AKAP11: variants seen among roughly 807,000 people sequenced by gnomAD.
AKAP11 encodes A-kinase anchoring protein 11, also known as A-kinase anchor protein 11.
In AKAP11, 36 loss-of-function variants were observed where a neutral mutation model predicts 146.1. The ratio of observed to expected loss-of-function variants is 0.25; its 90% CI spans 0.19 to 0.33. AKAP11 has a LOEUF of 0.33. Ranked by LOEUF, AKAP11 falls within the 10% of genes least tolerant of loss-of-function variation. The probability of loss-of-function intolerance (pLI) is 1.00; values close to 1 mark genes in which losing one functional copy is unlikely to be tolerated. For missense variants in AKAP11, 2,201 were observed against 2,197.0 expected (o/e 1.00, Z -0.04); for synonymous variants, 780 against 786.5 (o/e 0.99, Z 0.14).
rs1959123420 is a variant in AKAP11 at position 42,284,276 on chromosome 13, A to C, written c.-99-1710A>C. 2.6e-5 allele frequency among the ~76,000 whole-genome samples: 4 copies of C among 152,370 alleles called. 1 individual carries two copies. The South Asian group carries it at 8.3e-4, about 32-fold the overall frequency. On this transcript the variant is annotated intron_variant, in intron 1 of 12. Transcript: ENST00000025301. The stretch of plus-strand genomic sequence containing the variant: ...TGCTTTGATGCATTCCCAAAAGCAG[A>C]AATGCTGAGTCAAAGAAGTATTTCC...
chr13:42,322,820 G>A lies in AKAP11; in HGVS notation c.*3592G>A, dbSNP rs1961141482. On this transcript the variant is annotated 3_prime_UTR_variant, in exon 13 of 13. Coordinates refer to ENST00000025301, the MANE Select transcript of AKAP11 (RefSeq NM_016248.4). ...GTGTACATTCCTTTCATAGGGTAGA[G>A]TTCTAGTTCTAGAAGTTCTTATTTT... The A allele has an allele frequency of 6.6e-6, 1 of 152,546 alleles. No individual in the cohort carries two copies. Among genetic ancestry groups the A allele is most frequent in the Non-Finnish European group, 1.5e-5 (1 of 67,960 alleles). 9.4% of individuals were successfully genotyped at this position (152,546 alleles called of 1,614,324 possible).
intron 5 of AKAP11, among the ~76,000 whole-genome samples, chr13:42,296,458 A>G (rs915680887): frequency 6.6e-6 from 1 of 152,160 alleles, no homozygotes; most frequent in Non-Finnish European, 1.5e-5. Context: ...TATAAAGGAA[A>G]GTACTCTACA....
rs1300974338 is a variant in AKAP11, at chr13:42,321,314, A to G, written c.*2086A>G. ...GTTTATTTCTGTTTATGGTGTAATC[A>G]TTCTGAGGTGAGGCTTTTCTTATTT... On this transcript the variant is annotated 3_prime_UTR_variant, in exon 13 of 13. Coordinates refer to ENST00000025301, the MANE Select transcript of AKAP11 (RefSeq NM_016248.4). 6.6e-6 allele frequency: 1 copy of G among 152,332 alleles called. No individual in the cohort carries two copies. The highest frequency in any genetic ancestry group is 1.5e-5 in the Non-Finnish European group (1 of 68,018). 9.4% of individuals were successfully genotyped at this position (152,332 alleles called of 1,614,324 possible). A position where few individuals can be genotyped will look rare whatever the true frequency, so the allele number is the denominator to read the frequency against.
Position 42,308,683 on chromosome 13 carries a change from T to C in AKAP11, c.5273+74T>C, listed in dbSNP as rs562827433. On this transcript the variant is annotated intron_variant, in intron 9 of 12. Transcript: ENST00000025301. ...AGAAGTGAGCTATAAATTTACATTATTATTTAAAAATTCTAAATTTGAAAA... is the reference window on the plus strand; with the variant it reads ...AGAAGTGAGCTATAAATTTACATTACTATTTAAAAATTCTAAATTTGAAAA... The C allele has an allele frequency of 7.6e-4, 902 of 1,192,412 alleles. 1 individual carries two copies. The Middle Eastern group carries it at 7.6e-3, about 10-fold the overall frequency. The allele number at this position is 1,192,412 out of a possible 1,614,324, so 73.9% of individuals were successfully genotyped here.
At chr13:42,308,937 T>C (rs975913611) in intron 9 of AKAP11, among the ~76,000 whole-genome samples, 1 of 152,198 alleles carries the variant, frequency 6.6e-6, no homozygotes, top group Non-Finnish European at 1.5e-5. Context: ...TACTTTTTTT[T>C]CTTTAAAGAA....
chr13:42,273,245 AAAAAATGGG>A (rs1958823828), intron 1 of AKAP11, among the ~76,000 whole-genome samples: 1 of 152,190 alleles, frequency 6.6e-6, no homozygotes, highest in Non-Finnish European at 1.5e-5. Context: ...GAGTACTAAG[AAAAAATGGG>A]GTATCAGTAA....
At chr13:42,291,398 A>G (rs1959211383) in intron 3 of AKAP11, among the ~76,000 whole-genome samples, 1 of 152,162 alleles carries the variant, frequency 6.6e-6, no homozygotes, top group Non-Finnish European at 1.5e-5. Context: ...GATTACAGGC[A>G]CGTGGCACCA....
At chr13:42,307,900 G>A (rs1331963140) in intron 8 of AKAP11, among the ~76,000 whole-genome samples, 1 of 152,184 alleles carries the variant, frequency 6.6e-6, no homozygotes, top group Non-Finnish European at 1.5e-5. Context: ...GTTGAGCAGT[G>A]AATGGACTTT....
chr13:42,276,484 C>T (rs924323434), intron 1 of AKAP11, among the ~76,000 whole-genome samples: 3 of 152,090 alleles, frequency 2.0e-5, no homozygotes, highest in Non-Finnish European at 2.9e-5. Flanking sequence ...GGGCTCAAGC[C>T]GTCCACCTGC....
chr13:42,298,578 T>A lies in AKAP11; in HGVS notation c.397T>A (p.Ser133Thr), dbSNP rs746529485. The change falls in exon 7 of 13, where the codon TCA becomes ACA. Residue 133 changes from serine to threonine, a missense_variant. Around this residue, in one of 3 missense-constraint regions of AKAP11, gnomAD observed 331 missense variants for 347.4 expected, o/e 0.95. Coordinates refer to ENST00000025301, the MANE Select transcript of AKAP11 (RefSeq NM_016248.4). ...TTGTGTCATGAGAGTGTCACCTACA[T>A]CACCAAGACTTAGGATTGATTTTAT... ...MLCVMRVSPT[S>T]PRLRIDFIFS... The A allele has an allele frequency of 6.2e-7, 1 of 1,612,676 alleles. No homozygotes were observed. Among genetic ancestry groups the A allele is most frequent in the Non-Finnish European group, 8.5e-7 (1 of 1,179,348 alleles).
At chr13:42,292,659 A>G (rs77450477) in intron 4 of AKAP11, among the ~76,000 whole-genome samples, 158 bp downstream of exon 4, 18,781 of 152,218 alleles carry the variant, frequency 0.12, 1,305 homozygotes, top group South Asian at 0.17. Context: ...GAGGGGAAAA[A>G]AAAGAAGTAC....
intron 12 of AKAP11, among the ~76,000 whole-genome samples, chr13:42,318,883 A>G (rs1490145119): frequency 6.6e-6 from 1 of 152,114 alleles, no homozygotes; most frequent in East Asian, 1.9e-4. Flanking sequence ...TCTGGAGGAG[A>G]TGTGTTTATA....
intron 3 of AKAP11, among the ~76,000 whole-genome samples, chr13:42,291,108 C>T (rs192640374): frequency 2.6e-5 from 4 of 151,648 alleles, no homozygotes; most frequent in Admixed American, 2.0e-4. Flanking sequence ...TAAAGATTTC[C>T]ATTTATTTTA....
At chr13:42,309,053 C>T (rs185580305) in intron 9 of AKAP11, among the ~76,000 whole-genome samples, 126 of 152,134 alleles carry the variant, frequency 8.3e-4, no homozygotes, top group Admixed American at 1.8e-3. Flanking sequence ...CCCTGCTTGT[C>T]CTGCTGTTAG....
intron 1 of AKAP11, among the ~76,000 whole-genome samples, chr13:42,276,912 A>G (rs1280889985): frequency 6.6e-6 from 1 of 152,228 alleles, no homozygotes; most frequent in Non-Finnish European, 1.5e-5. Flanking sequence ...ATAAAAAGAA[A>G]TGTGTTCCTG....
chr13:42,276,245 T>G (rs1958914565), intron 1 of AKAP11, among the ~76,000 whole-genome samples: 1 of 152,140 alleles, frequency 6.6e-6, no homozygotes, highest in African/African-American at 2.4e-5. Flanking sequence ...TATTATTATT[T>G]ATATAATTTA....
At chr13:42,309,247 G>A (rs1169404268) in intron 9 of AKAP11, among the ~76,000 whole-genome samples, 1 of 151,684 alleles carries the variant, frequency 6.6e-6, no homozygotes, top group Non-Finnish European at 1.5e-5. Flanking sequence ...GTTTCTTATA[G>A]TCTTAACCTC....
At chr13:42,316,509 AAG>A (rs1960827882) in intron 11 of AKAP11, among the ~76,000 whole-genome samples, 1 of 152,272 alleles carries the variant, frequency 6.6e-6, no homozygotes, top group African/African-American at 2.4e-5. Flanking sequence ...ATCATAAAAA[AAG>A]AAAATAAATT....
rs1287070701 is a variant in AKAP11, at chr13:42,295,685, C to G, written c.169-10C>G. On this transcript the variant is annotated splice_polypyrimidine_tract_variant and intron_variant, in intron 4 of 12. Transcript: ENST00000025301. ...TCAAATTAATGGAGGTTTATTTGTT[C>G]TTTACTCAGGTCACATTTCTGGGTT... The G allele has an allele frequency of 6.2e-7, 1 of 1,611,866 alleles. No individual in the cohort carries two copies. Among genetic ancestry groups the G allele is most frequent in the African/African-American group, 1.3e-5 (1 of 74,784 alleles).
Sources: gnomAD v4.1 joint callset for allele counts (sites outside exome capture counted in the v4.1 genomes callset) on GRCh38, gnomAD v4.1.1 for gene constraint, gnomAD v4.1.1 regional missense constraint, MANE v1.5 for transcripts, NCBI Gene and HGNC (gene_info 2026-07-23, HGNC 2026-07-21) for gene names.